The following MDGA2 variants were observed in gnomAD, a reference collection of about 807,000 sequenced individuals.
MDGA2 encodes the protein MAM domain containing glycosylphosphatidylinositol anchor 2, also known as MAM domain-containing glycosylphosphatidylinositol anchor protein 2.
A neutral mutation model predicts 117.8 loss-of-function variants in MDGA2; 40 were observed. That is an observed-to-expected ratio of 0.34 (90% CI 0.26 to 0.44). The LOEUF (loss-of-function observed/expected upper bound fraction) is 0.44. Among genes scored for constraint, MDGA2 ranks in the 20% least tolerant of loss-of-function variants. MDGA2 has a pLI of 1.00. For missense variants in MDGA2, 1,123 were observed against 1,250.6 expected, an observed-to-expected ratio of 0.90 and a Z score of 1.54; for synonymous variants, 452 against 439.0, an observed-to-expected ratio of 1.03 and a Z score of -0.37.
At chr14:47,071,040 C>T (rs1890262175) in intron 6 of MDGA2, among the ~76,000 whole-genome samples, 1 of 152,190 alleles carries the variant, frequency 6.6e-6, no homozygotes, top group African/African-American at 2.4e-5. Flanking sequence ...AACAAGCATC[C>T]AATGTAATTT....
intron 3 of MDGA2, among the ~76,000 whole-genome samples, chr14:47,152,056 G>C (rs1883183994): frequency 6.6e-6 from 1 of 151,762 alleles, no homozygotes; most frequent in Admixed American, 6.6e-5. Context: ...ACTTTTTTTG[G>C]CTGATCAAAT....
At chr14:47,102,289 C>CTT in intron 5 of MDGA2, among the ~76,000 whole-genome samples, 1 of 146,628 alleles carries the variant, frequency 6.8e-6, no homozygotes, top group African/African-American at 2.5e-5. Flanking sequence ...AAGCTCAAGA[C>CTT]TTTTTTTTTT....
At chr14:46,942,487 A>G (rs1885033501) in intron 9 of MDGA2, among the ~76,000 whole-genome samples, 1 of 152,104 alleles carries the variant, frequency 6.6e-6, no homozygotes, top group Admixed American at 6.6e-5. Context: ...ATATATTGCT[A>G]TGTAATCACC....
chr14:46,842,081 A>C (rs1880639992), intron 16 of MDGA2, 62 bp from the exon 17 acceptor site: 1 of 1,022,804 alleles, frequency 9.8e-7, no homozygotes. Context: ...CCACGTAGCT[A>C]CTAACACAAC....
chr14:47,019,982 A>T (rs1375990988), intron 8 of MDGA2, among the ~76,000 whole-genome samples: 2 of 152,184 alleles, frequency 1.3e-5, no homozygotes, highest in African/African-American at 4.8e-5. Flanking sequence ...GGTTCAGCGT[A>T]ATTGGATGAA....
chr14:47,537,256 T>C (rs1051602222), intron 1 of MDGA2, among the ~76,000 whole-genome samples: 3 of 126,268 alleles, frequency 2.4e-5, no homozygotes, highest in Non-Finnish European at 4.7e-5. Flanking sequence ...AATTGAACAA[T>C]GAGAACACAT....
intron 2 of MDGA2, among the ~76,000 whole-genome samples, chr14:47,229,665 A>T (rs1886623196): frequency 6.6e-6 from 1 of 151,992 alleles, no homozygotes; most frequent in African/African-American, 2.4e-5. Context: ...TCTAAAAAAA[A>T]ATATTGAGTA....
At chr14:47,318,768 G>T (rs944806881) in intron 1 of MDGA2, among the ~76,000 whole-genome samples, 1 of 151,348 alleles carries the variant, frequency 6.6e-6, no homozygotes, top group East Asian at 1.9e-4. Flanking sequence ...ATGAAAAGGA[G>T]GGAGGAAGGG....
intron 5 of MDGA2, among the ~76,000 whole-genome samples, chr14:47,104,574 C>G (rs1350106927): frequency 6.6e-6 from 1 of 150,904 alleles, no homozygotes; most frequent in East Asian, 2.0e-4. Flanking sequence ...TCTCCCTTCG[C>G]TGACTCTCTT....
intron 8 of MDGA2, among the ~76,000 whole-genome samples, chr14:47,016,962 C>G (rs1219808860): frequency 6.6e-6 from 1 of 151,512 alleles, no homozygotes; most frequent in Non-Finnish European, 1.5e-5. Context: ...CATATTCTAT[C>G]TTATTTTCTG....
intron 3 of MDGA2, among the ~76,000 whole-genome samples, chr14:47,163,587 C>T (rs377566905): frequency 6.6e-6 from 1 of 152,118 alleles, no homozygotes; most frequent in African/African-American, 2.4e-5. Flanking sequence ...TGAGGCCGCC[C>T]CAGCCACATG....
chr14:47,319,099 T>G (rs1889899496), intron 1 of MDGA2, among the ~76,000 whole-genome samples: 1 of 152,184 alleles, frequency 6.6e-6, no homozygotes, highest in Non-Finnish European at 1.5e-5. Context: ...GTGTGCTGCT[T>G]AAAATGCACA....
At position 47,409,173 on chromosome 14, in the gene MDGA2, T is replaced by C. The variant is rs531949149; in HGVS notation, c.281-107623A>G. ...TAGAGAAAGCAAATAATATATGATTTAAAAGCTTCAAGAGCCAATGTGGCT... is the reference window on the plus strand; with the variant it reads ...TAGAGAAAGCAAATAATATATGATTCAAAAGCTTCAAGAGCCAATGTGGCT... On this transcript the variant is annotated intron_variant, in intron 1 of 16. Coordinates refer to ENST00000399232, the MANE Select transcript of MDGA2 (RefSeq NM_001113498.3). Among the ~76,000 whole-genome samples, 32 of 152,270 alleles carry C rather than the reference T, an allele frequency of 2.1e-4. No homozygotes were observed. The South Asian group carries it at 6.2e-3, about 30-fold the overall frequency.
intron 10 of MDGA2, among the ~76,000 whole-genome samples, chr14:46,886,951 A>C (rs1273955547): frequency 6.6e-6 from 1 of 152,084 alleles, no homozygotes; most frequent in African/African-American, 2.4e-5. Context: ...CAAAATTCTA[A>C]GTCTCAACCA....
intron 6 of MDGA2, among the ~76,000 whole-genome samples, chr14:47,090,791 T>C (rs1018564244): frequency 6.6e-6 from 1 of 152,112 alleles, no homozygotes; most frequent in Non-Finnish European, 1.5e-5. Flanking sequence ...GAAGAAATCA[T>C]GTAAAGAGAC....
chr14:47,583,612 G>T (rs1896268958), intron 1 of MDGA2, among the ~76,000 whole-genome samples: 2 of 151,666 alleles, frequency 1.3e-5, no homozygotes, highest in Non-Finnish European at 3.0e-5. Context: ...TGGAGAAAAT[G>T]ATAAATTTTA....
At chr14:46,883,983 CT>C (rs1163790352) in intron 10 of MDGA2, among the ~76,000 whole-genome samples, 4 of 151,814 alleles carry the variant, frequency 2.6e-5, no homozygotes, top group African/African-American at 9.7e-5. Flanking sequence ...TTTCATGGGG[CT>C]TTTCTCCTTT....
At chr14:47,248,268 G>T (rs1887318166) in intron 2 of MDGA2, among the ~76,000 whole-genome samples, 1 of 151,384 alleles carries the variant, frequency 6.6e-6, no homozygotes, top group Admixed American at 6.6e-5. Flanking sequence ...TAAAAAGGAT[G>T]AATTTATTTT....
At chr14:46,902,013 C>T (rs565575175) in intron 10 of MDGA2, among the ~76,000 whole-genome samples, 7 of 152,190 alleles carry the variant, frequency 4.6e-5, no homozygotes, top group South Asian at 2.1e-4. Flanking sequence ...CAGTTGTCAC[C>T]GATGAACCCC....
Sources: allele counts gnomAD v4.1 joint callset (sites outside exome capture counted in the v4.1 genomes callset), GRCh38; gene constraint gnomAD v4.1.1; transcripts MANE v1.5; gene names NCBI Gene and HGNC (gene_info 2026-07-23, HGNC 2026-07-21).